SHISA9: variants seen among roughly 807,000 people sequenced by gnomAD.
SHISA9 encodes protein shisa-9.
Under a neutral mutation model 38.0 loss-of-function variants are expected in SHISA9, and 13 were observed. The ratio of observed to expected loss-of-function variants is 0.34; its 90% CI spans 0.22 to 0.54. The LOEUF (loss-of-function observed/expected upper bound fraction) is 0.54. Ranked by LOEUF, SHISA9 falls within the 20% of genes least tolerant of loss-of-function variation. The probability of loss-of-function intolerance (pLI) is 0.91; values close to 1 mark genes in which losing one functional copy is unlikely to be tolerated. For synonymous variants in SHISA9, 275 were observed against 242.0 expected, an observed-to-expected ratio of 1.14 and a Z score of -1.27; for missense variants, 538 against 575.8, an observed-to-expected ratio of 0.93 and a Z score of 0.67.
At chr16:13,476,744 T>TTTTTG in the SHISA9 span, among the ~76,000 whole-genome samples, 2 of 109,716 alleles carry the variant, frequency 1.8e-5, no homozygotes, top group African/African-American at 8.7e-5. Context: ...TTGTGTTTTT[T>TTTTTG]TTTTTTTTTT....
At chr16:13,148,689 GCACACACACACACA>G (rs3075124) in intron 2 of SHISA9, among the ~76,000 whole-genome samples, 7 of 132,442 alleles carry the variant, frequency 5.3e-5, no homozygotes, top group African/African-American at 9.6e-5. Context: ...ACATACACAA[GCACACACACACACA>G]CACACACACA....
chr16:12,985,457 G>A (rs1370063453), intron 2 of SHISA9, among the ~76,000 whole-genome samples: 1 of 152,090 alleles, frequency 6.6e-6, no homozygotes. Context: ...GAAAACTTGT[G>A]AGGTTGGACA....
At chr16:13,496,081 C>T in the SHISA9 span, among the ~76,000 whole-genome samples, 1 of 152,076 alleles carries the variant, frequency 6.6e-6, no homozygotes, top group Non-Finnish European at 1.5e-5. Context: ...CAAATAGATA[C>T]ACTAAATGCC....
chr16:13,154,850 G>A (rs2050529943), intron 2 of SHISA9, among the ~76,000 whole-genome samples: 1 of 152,184 alleles, frequency 6.6e-6, no homozygotes, highest in African/African-American at 2.4e-5. Flanking sequence ...AAGCAGACAC[G>A]GTTACGTGGT....
chr16:13,322,667 T>A, the SHISA9 span, among the ~76,000 whole-genome samples: 1 of 152,124 alleles, frequency 6.6e-6, no homozygotes, highest in Non-Finnish European at 1.5e-5. Context: ...GCAGATGCGC[T>A]TCCCTCACCC....
At chr16:13,340,340 G>T in the SHISA9 span, among the ~76,000 whole-genome samples, 1 of 152,306 alleles carries the variant, frequency 6.6e-6, no homozygotes, top group Admixed American at 6.5e-5. Context: ...AGGAATATGG[G>T]AACATATAGG....
At chr16:13,005,696 G>A (rs1216311034) in intron 2 of SHISA9, among the ~76,000 whole-genome samples, 1 of 152,186 alleles carries the variant, frequency 6.6e-6, no homozygotes, top group East Asian at 1.9e-4. Context: ...TCTGGGACAT[G>A]TGCCAACCCT....
chr16:13,352,249 G>T, the SHISA9 span, among the ~76,000 whole-genome samples: 1 of 152,156 alleles, frequency 6.6e-6, no homozygotes, highest in East Asian at 1.9e-4. Context: ...TGATTTCTTT[G>T]ACTTCATAAA....
the SHISA9 span, among the ~76,000 whole-genome samples, chr16:13,377,473 C>G: frequency 1.6e-4 from 25 of 152,314 alleles, no homozygotes; most frequent in Admixed American, 1.0e-3. Flanking sequence ...CAATATGCCT[C>G]TGTTACCTGG....
the SHISA9 span, among the ~76,000 whole-genome samples, chr16:13,320,178 C>T: frequency 3.1e-3 from 468 of 150,544 alleles, no homozygotes; most frequent in Middle Eastern, 0.01. Flanking sequence ...GTAGTCCCAG[C>T]TACTCAGGAG....
the SHISA9 span, among the ~76,000 whole-genome samples, chr16:13,319,132 C>T: frequency 1.3e-5 from 2 of 152,318 alleles, no homozygotes; most frequent in African/African-American, 4.8e-5. Context: ...CTCAGCCTCC[C>T]GAGTAGCTGG....
chr16:13,168,474 A>C (rs558976538), intron 2 of SHISA9, among the ~76,000 whole-genome samples: 1 of 152,272 alleles, frequency 6.6e-6, no homozygotes, highest in Non-Finnish European at 1.5e-5. Flanking sequence ...CCAACATATA[A>C]TCACATGGTC....
chr16:12,943,879 T>TA (rs1303523815), intron 2 of SHISA9, among the ~76,000 whole-genome samples: 4 of 152,230 alleles, frequency 2.6e-5, no homozygotes, highest in Admixed American at 2.0e-4. Flanking sequence ...ATTCTTGACT[T>TA]ACTTGTTTAT....
the SHISA9 span, among the ~76,000 whole-genome samples, chr16:13,324,094 C>T: frequency 6.6e-6 from 1 of 152,218 alleles, no homozygotes; most frequent in Non-Finnish European, 1.5e-5. Flanking sequence ...TCTGCTCCCC[C>T]TTTGCCTTCT....
chr16:13,118,015 C>G lies in SHISA9; in HGVS notation c.692-85379C>G, dbSNP rs1289048201. On this transcript the variant is annotated intron_variant, in intron 2 of 4. Transcript: ENST00000558583. ...TGGCCAACATGGTGAAACCCCATCT[C>G]TACTAAAAATACAAAAACTAGCTGG... 2.6e-5 allele frequency among the ~76,000 whole-genome samples: 4 copies of G among 152,102 alleles called. No homozygotes were observed. In the South Asian group the frequency reaches 6.2e-4, roughly 24 times the overall value.
At chr16:12,940,134 C>A (rs1243099545) in intron 2 of SHISA9, among the ~76,000 whole-genome samples, 3 of 152,168 alleles carry the variant, frequency 2.0e-5, no homozygotes, top group Non-Finnish European at 2.9e-5. Context: ...TCTTGAGGGG[C>A]AGAGTGTTCT....
chr16:13,008,675 C>CTCCCTCCCTCCT (rs2072631904), intron 2 of SHISA9, among the ~76,000 whole-genome samples: 1 of 125,054 alleles, frequency 8.0e-6, no homozygotes, highest in African/African-American at 3.3e-5. Flanking sequence ...TCCTCCCTCC[C>CTCCCTCCCTCCT]TCCCTCTCTC....
At chr16:13,479,507 A>C in the SHISA9 span, among the ~76,000 whole-genome samples, 1 of 152,174 alleles carries the variant, frequency 6.6e-6, no homozygotes, top group Non-Finnish European at 1.5e-5. Context: ...ACACTTGCTA[A>C]AAATAATCTA....
At chr16:13,183,747 T>A (rs1321724945) in intron 2 of SHISA9, among the ~76,000 whole-genome samples, 2 of 152,254 alleles carry the variant, frequency 1.3e-5, no homozygotes, top group African/African-American at 4.8e-5. Context: ...AGGATGTTAA[T>A]TACACTTACT....
Sources: gnomAD v4.1 joint callset for allele counts (sites outside exome capture counted in the v4.1 genomes callset) on GRCh38, gnomAD v4.1.1 for gene constraint, MANE v1.5 for transcripts, NCBI Gene and HGNC (gene_info 2026-07-23, HGNC 2026-07-21) for gene names.